Variants in SCN4A observed in about 807,000 individuals in gnomAD.
SCN4A encodes the protein sodium channel protein type 4 subunit alpha.
SCN4A carries 83 observed loss-of-function variants against 162.0 expected under a neutral mutation model. The observed-to-expected ratio is 0.51, with a 90% CI of 0.43 to 0.61. The LOEUF (loss-of-function observed/expected upper bound fraction) is 0.61, where lower values mean the gene tolerates loss of function less well. Among genes scored for constraint, SCN4A ranks in the 20% least tolerant of loss-of-function variants. The pLI, the probability that SCN4A is intolerant of heterozygous loss-of-function variation, is 0.00. For missense variants in SCN4A, 2,196 were observed against 2,462.5 expected, an observed-to-expected ratio of 0.89 and a Z score of 2.29; for synonymous variants, 944 against 985.1, an observed-to-expected ratio of 0.96 and a Z score of 0.78.
chr17:63,953,184 C>T (rs1908967070), intron 13 of SCN4A, among the ~76,000 whole-genome samples: 1 of 152,124 alleles, frequency 6.6e-6, no homozygotes, highest in South Asian at 2.1e-4. Flanking sequence ...CATGGTGAAA[C>T]CCCGTCTCTA....
Position 63,945,857 on chromosome 17 carries a change from T to C in SCN4A, c.3442-219A>G, listed in dbSNP as rs1457433210. 1.3e-5 allele frequency among the ~76,000 whole-genome samples: 2 copies of C among 152,040 alleles called. No homozygotes were observed. The highest frequency in any genetic ancestry group is 2.9e-5 in the Non-Finnish European group (2 of 67,974). On this transcript the variant is annotated intron_variant, in intron 18 of 23. Transcript: ENST00000435607. The surrounding 1 kb of genome is among the most constrained non-coding windows in gnomAD (Gnocchi z 4.4). ...CCTGGTGGTCAAGAGGGCTCTCTGC[T>C]TGACTGGAGCCATCAGCCCAGAGTA...
rs201870744 is a variant in SCN4A, at chr17:63,945,077, G to T, written c.3721-17C>A. 12 of 1,611,830 alleles carry T rather than the reference G, an allele frequency of 7.4e-6. No individual in the cohort carries two copies. Among genetic ancestry groups the T allele is most frequent in the Middle Eastern group, 1.6e-4 (1 of 6,082 alleles). On this transcript the variant is annotated splice_polypyrimidine_tract_variant and intron_variant, in intron 19 of 23. Transcript: ENST00000435607. This position sits in a 1 kb window ranked among gnomAD's most constrained non-coding sequence, Gnocchi z 4.4. ...GAAGGTGGCCTGAGAGAGTGTGGTT[G>T]GGGAGTGAGCCGGGGGGCTGCTCCC... is the stretch of plus-strand genomic sequence containing the variant.
rs1418500751 is a variant in SCN4A at position 63,946,470 on chromosome 17, CCCCA to C, written c.3441+571_3441+574del. Among the ~76,000 whole-genome samples, 67 of 131,200 alleles carry C rather than the reference CCCCA, an allele frequency of 5.1e-4. 3 individuals are homozygous for C. Among genetic ancestry groups the C allele is most frequent in the African/African-American group, 1.6e-3 (51 of 31,304 alleles). The allele number at this position is 131,200 out of a possible 152,430, so 86.1% of individuals were successfully genotyped here. On this transcript the variant is annotated intron_variant, in intron 18 of 23. Coordinates refer to ENST00000435607, the MANE Select transcript of SCN4A (RefSeq NM_000334.4). ...GAAGTCCCATTTTTCTTGCCCCCCCCCCCACCCCGCCGCAACCCTGTGTTTACCT... is the reference window on the plus strand; with the variant it reads ...GAAGTCCCATTTTTCTTGCCCCCCCCCCCCGCCGCAACCCTGTGTTTACCT...
At chr17:63,957,047 A>C in intron 13 of SCN4A, 115 bp downstream of exon 13, 1 of 707,992 alleles carries the variant, frequency 1.4e-6, no homozygotes, top group Admixed American at 2.9e-5. Context: ...GTTAAACCAC[A>C]TAAAATTGCC....
In SCN4A at chr17:63,957,271, C is replaced by T. The variant is rs1343607212; in HGVS notation, c.2267G>A (p.Arg756His). 3 of 1,613,960 alleles carry T rather than the reference C, an allele frequency of 1.9e-6. No individual in the cohort carries two copies. Among genetic ancestry groups the T allele is most frequent in the Non-Finnish European group, 2.5e-6 (3 of 1,179,956 alleles). Reference sequence around the variant, plus strand: ...CTCGATCCACTCCCCGCACAGGATGCGGAAGACGATGAGGAAGGAGTGGAA... The same window carrying T: ...CTCGATCCACTCCCCGCACAGGATGTGGAAGACGATGAGGAAGGAGTGGAA... ...DFFHSFLIVF[R>H]ILCGEWIETM... Residue 756 changes from arginine to histidine, a missense_variant, in exon 13 of 24, where the codon CGC becomes CAC. Arg to His is a conservative substitution (Grantham distance 29). Coordinates refer to ENST00000435607, the MANE Select transcript of SCN4A (RefSeq NM_000334.4).
At chr17:63,967,082 T>C (rs1426815461) in intron 6 of SCN4A, among the ~76,000 whole-genome samples, 1 of 151,852 alleles carries the variant, frequency 6.6e-6, no homozygotes, top group Non-Finnish European at 1.5e-5. Flanking sequence ...TGTGGTGTGA[T>C]GAAGGAGGAC....
rs963149607 is a variant in SCN4A at position 63,945,116 on chromosome 17, C to T, written c.3721-56G>A. ...GGGGCTGCTCCCTGCTTTCATCATC[C>T]ATGAGTTTCCCTCCCCCACCCAACC... On this transcript the variant is annotated intron_variant, in intron 19 of 23. Transcript: ENST00000435607. This position sits in a 1 kb window ranked among gnomAD's most constrained non-coding sequence, Gnocchi z 4.4. 1.8e-5 allele frequency: 29 copies of T among 1,569,740 alleles called. No homozygotes were observed. The highest frequency in any genetic ancestry group is 2.5e-5 in the Non-Finnish European group (29 of 1,144,004).
At chr17:63,960,505 C>T (rs1909213212) in intron 11 of SCN4A, among the ~76,000 whole-genome samples, 1 of 152,178 alleles carries the variant, frequency 6.6e-6, no homozygotes, top group Non-Finnish European at 1.5e-5. Context: ...AGCATCTCGC[C>T]CATTTGCCGT....
chr17:63,954,351 C>T (rs767208364), intron 13 of SCN4A, among the ~76,000 whole-genome samples: 3 of 152,152 alleles, frequency 2.0e-5, no homozygotes, highest in African/African-American at 4.8e-5. Flanking sequence ...CCCACCAAAA[C>T]GCATTAGTCT....
At position 63,957,367 on chromosome 17, in the gene SCN4A, T is replaced by C. The variant is rs1173127581; in HGVS notation, c.2171A>G (p.Lys724Arg). 1.9e-5 allele frequency: 30 copies of C among 1,613,810 alleles called. No individual in the cohort carries two copies. The highest frequency in any genetic ancestry group is 2.4e-5 in the Non-Finnish European group (28 of 1,179,818). The change falls in exon 13 of 24, where the codon AAG (lysine) becomes AGG (arginine). Residue 724 changes from lysine to arginine, a missense_variant. Physicochemically the swap from Lys to Arg is conservative, Grantham distance 26. Transcript: ENST00000435607. The part of the protein sequence containing the change: ...FAVVGMQLFG[K>R]SYKECVCKIA... ...CTTGCACACGCACTCCTTGTAGCTCTTGCCAAACAGCTGCATGCCCACCAC... is the reference window on the plus strand; with the variant it reads ...CTTGCACACGCACTCCTTGTAGCTCCTGCCAAACAGCTGCATGCCCACCAC...
chr17:63,972,209 T>G lies in SCN4A; in HGVS notation c.409A>C (p.Ile137Leu). Residue 137 changes from isoleucine (I) to leucine (L), a missense_variant, in exon 3 of 24, where the codon ATC (isoleucine) becomes CTC (leucine). Ile to Leu is a conservative substitution (Grantham distance 5). Transcript: ENST00000435607. The surrounding 1 kb of genome is among the most constrained non-coding windows in gnomAD (Gnocchi z 4.3). ...VLIHALFSMF[I>L]MITILTNCVF... Reference sequence around the variant, plus strand: ...CAGTTGGTCAAGATGGTGATCATGATGAACATGCTGAACAGCGTGGGGCAG... The same window carrying G: ...CAGTTGGTCAAGATGGTGATCATGAGGAACATGCTGAACAGCGTGGGGCAG... The G allele has an allele frequency of 1.2e-6, 2 of 1,613,416 alleles. No homozygotes were observed. Among genetic ancestry groups the G allele is most frequent in the Non-Finnish European group, 8.5e-7 (1 of 1,179,638 alleles).
Position 63,964,506 on chromosome 17 carries a change from G to A in SCN4A, c.1414C>T (p.Leu472Phe). Residue 472 changes from leucine (L) to phenylalanine (F), a missense_variant, in exon 9 of 24, where the codon CTT becomes TTT. Leu to Phe is a conservative substitution (Grantham distance 22). Coordinates refer to ENST00000435607, the MANE Select transcript of SCN4A (RefSeq NM_000334.4). Reference protein sequence around the residue: ...KEKEEEFQQMLEKFKKHQEEL... With the variant: ...KEKEEEFQQMFEKFKKHQEEL... ...TCCTGGTGCTTTTTGAACTTCTCAA[G>A]CATCTGCTGAAACTCCTCCTCTTTC... 5.6e-6 allele frequency: 9 copies of A among 1,614,048 alleles called. No individual in the cohort carries two copies. Among genetic ancestry groups the A allele is most frequent in the Non-Finnish European group, 7.6e-6 (9 of 1,179,896 alleles).
rs1384260265 is a variant in SCN4A, at chr17:63,938,750, C to A, written c.*2021G>T. On this transcript the variant is annotated 3_prime_UTR_variant, in exon 24 of 24. Coordinates refer to ENST00000435607, the MANE Select transcript of SCN4A (RefSeq NM_000334.4). ...CTGCACACAGTCCGAGGAGAATATC[C>A]AATCAAACAGATTTCTGAGGCTCCA... The A allele has an allele frequency of 3.9e-5, 6 of 152,772 alleles. No homozygotes were observed. The highest frequency in any genetic ancestry group is 1.4e-4 in the African/African-American group (6 of 41,466). 9.5% of individuals were successfully genotyped at this position (152,772 alleles called of 1,614,324 possible).
In SCN4A at chr17:63,948,759, A is replaced by T. The variant is rs745558206; in HGVS notation, c.2996T>A (p.Val999Glu). 3 of 1,605,420 alleles carry T rather than the reference A, an allele frequency of 1.9e-6. No individual in the cohort carries two copies. The highest frequency in any genetic ancestry group is 8.5e-7 in the Non-Finnish European group (1 of 1,174,438). ...QPEECFTEAC[V>E]QRWPCLYVDI... is the part of the protein sequence containing the mutation. ...CACGTAGAGGCAGGGCCAGCGCTGC[A>T]CGCAGGCTGATGGGGTGAGGGGGGA... The change falls in exon 16 of 24, where the codon GTG becomes GAG. Residue 999 changes from valine to glutamate, a missense_variant. Coordinates refer to ENST00000435607, the MANE Select transcript of SCN4A (RefSeq NM_000334.4).
At position 63,972,161 on chromosome 17, in the gene SCN4A, G is replaced by A; in HGVS notation, c.457C>T (p.Pro153Ser). The change falls in exon 3 of 24, where the codon CCG becomes TCG. Residue 153 changes from proline to serine, a missense_variant. Transcript: ENST00000435607. This position sits in a 1 kb window ranked among gnomAD's most constrained non-coding sequence, Gnocchi z 4.3. Reference protein sequence around the residue: ...TNCVFMTMSDPPPWSKNVEYT... With the variant: ...TNCVFMTMSDSPPWSKNVEYT... ...TCCACATTCTTGGACCAGGGAGGCG[G>A]GTCACTCATGGTCATGAATACGCAG... The A allele has an allele frequency of 6.2e-7, 1 of 1,613,282 alleles. No homozygotes were observed. Among genetic ancestry groups the A allele is most frequent in the South Asian group, 1.1e-5 (1 of 90,886 alleles).
At chr17:63,954,125 TCTCCTCGG>T (rs1170467413) in intron 13 of SCN4A, among the ~76,000 whole-genome samples, 2 of 152,288 alleles carry the variant, frequency 1.3e-5, no homozygotes, top group Admixed American at 1.3e-4. Context: ...CCCTTGGCCG[TCTCCTCGG>T]CGGGTCTCAC....
chr17:63,949,614 G>C, intron 14 of SCN4A, 86 bp from the exon 15 acceptor site: 1 of 1,423,610 alleles, frequency 7.0e-7, no homozygotes, highest in Non-Finnish European at 9.5e-7. Context: ...TGGGAGACCA[G>C]AAGGGAAGGG....
In SCN4A at chr17:63,940,817, G is replaced by T. The variant is rs773666497; in HGVS notation, c.5465C>A (p.Pro1822His). Residue 1822 changes from proline to histidine, a missense_variant, in exon 24 of 24, where the codon CCC becomes CAC. Coordinates refer to ENST00000435607, the MANE Select transcript of SCN4A (RefSeq NM_000334.4). The stretch of plus-strand genomic sequence containing the variant: ...ACCTGGGCGCACAGTCTGCCCTGGG[G>T]GAGGGGCGGGAGGCCAGGCAGTGTC... The part of the protein sequence containing the change: ...PSDTAWPPAP[P>H]PGQTVRPGVK... The T allele has an allele frequency of 2.5e-6, 4 of 1,603,666 alleles. No homozygotes were observed. In the Admixed American group the frequency reaches 6.8e-5, roughly 27 times the overall value.
At chr17:63,961,489 C>T in intron 10 of SCN4A, 58 bp from the exon 11 acceptor site, 1 of 1,280,174 alleles carries the variant, frequency 7.8e-7, no homozygotes. Flanking sequence ...GTGCCCCCGG[C>T]TCCAGCTAGA....
Sources: allele counts gnomAD v4.1 joint callset (sites outside exome capture counted in the v4.1 genomes callset), GRCh38; gene constraint gnomAD v4.1.1; non-coding constraint Gnocchi (gnomAD v3.1); transcripts MANE v1.5; gene names NCBI Gene and HGNC (gene_info 2026-07-23, HGNC 2026-07-21).